UGT2A1: variants seen among roughly 807,000 people sequenced by gnomAD.
UGT2A1 encodes UDP glucuronosyltransferase family 2 member A1 complex locus.
In UGT2A1, 61 loss-of-function variants were observed where a neutral mutation model predicts 45.4. The ratio of observed to expected loss-of-function variants is 1.34; its 90% confidence interval spans 1.09 to 1.66. The LOEUF is 1.66. Ranked by LOEUF, UGT2A1 falls within the 40% of genes most tolerant of loss-of-function variation. The pLI is 0.00. For synonymous variants in UGT2A1, 229 were observed against 196.2 expected, an observed-to-expected ratio of 1.17 and a Z score of -1.40; for missense variants, 649 against 574.3, an observed-to-expected ratio of 1.13 and a Z score of -1.33.
At chr4:69,624,966 G>A (rs1046769085) in intron 3 of UGT2A1, among the ~76,000 whole-genome samples, 4 of 150,822 alleles carry the variant, frequency 2.7e-5, no homozygotes, top group African/African-American at 9.7e-5. Flanking sequence ...AGAAGTGGTG[G>A]TCTATAGAAG....
At chr4:69,614,346 T>G (rs1426216201) in intron 3 of UGT2A1, among the ~76,000 whole-genome samples, 1 of 152,026 alleles carries the variant, frequency 6.6e-6, no homozygotes, top group Non-Finnish European at 1.5e-5. Flanking sequence ...GAAAATGTTT[T>G]CTGTTCATAG....
intron 3 of UGT2A1, among the ~76,000 whole-genome samples, chr4:69,630,131 C>T (rs988656146): frequency 1.3e-5 from 2 of 151,946 alleles, no homozygotes; most frequent in Non-Finnish European, 1.5e-5. Flanking sequence ...AACTAAAATA[C>T]AGCCATATGG....
chr4:69,613,402 C>G lies in UGT2A1; in HGVS notation c.848-14008G>C, dbSNP rs1386100671. 6.6e-5 allele frequency among the ~76,000 whole-genome samples: 10 copies of G among 151,886 alleles called. No homozygotes were observed. In the East Asian group the frequency reaches 1.9e-3, roughly 29 times the overall value. ...ACTTTCACTGTTGAATTCTACCAAA[C>G]ATTTGAATAACTAATGTCAATTCTA... On this transcript the variant is annotated intron_variant, in intron 3 of 6. Transcript: ENST00000286604.
intron 2 of UGT2A1, among the ~76,000 whole-genome samples, chr4:69,643,494 T>G (rs1351641412): frequency 6.6e-6 from 1 of 151,636 alleles, no homozygotes; most frequent in Non-Finnish European, 1.5e-5. Flanking sequence ...TTTCTTGCAA[T>G]GAACTGCAAC....
At chr4:69,600,670 A>C (rs1252953351) in intron 3 of UGT2A1, among the ~76,000 whole-genome samples, 2 of 152,070 alleles carry the variant, frequency 1.3e-5, no homozygotes, top group Non-Finnish European at 2.9e-5. Context: ...CATAGGCTGT[A>C]CAGGAAGCAT....
intron 2 of UGT2A1, among the ~76,000 whole-genome samples, chr4:69,636,634 A>C (rs1170949248): frequency 6.6e-6 from 1 of 152,158 alleles, no homozygotes; most frequent in Non-Finnish European, 1.5e-5. Context: ...GGTTTAGTAC[A>C]TACCAGAAAC....
intron 3 of UGT2A1, among the ~76,000 whole-genome samples, chr4:69,613,298 C>T (rs188116186): frequency 2.0e-5 from 3 of 151,926 alleles, no homozygotes; most frequent in African/African-American, 7.2e-5. Context: ...AAATCCAAAA[C>T]CTGAACGAGG....
chr4:69,621,797 T>C (rs968317215), intron 3 of UGT2A1, among the ~76,000 whole-genome samples: 1 of 151,948 alleles, frequency 6.6e-6, no homozygotes, highest in Non-Finnish European at 1.5e-5. Context: ...GTGGTATATA[T>C]GCATCATAGA....
intron 3 of UGT2A1, among the ~76,000 whole-genome samples, chr4:69,627,974 T>A (rs1455744661): frequency 6.6e-6 from 1 of 152,006 alleles, no homozygotes; most frequent in Non-Finnish European, 1.5e-5. Flanking sequence ...GATTGCCTTT[T>A]AAGTTTGTTG....
chr4:69,601,682 C>T (rs1719303939), intron 3 of UGT2A1, among the ~76,000 whole-genome samples: 1 of 152,000 alleles, frequency 6.6e-6, no homozygotes. Flanking sequence ...GGCCAATAAC[C>T]AAGGAATCTC....
At chr4:69,650,541 A>G (rs1722472379) in intron 1 of UGT2A1, among the ~76,000 whole-genome samples, 1 of 152,198 alleles carries the variant, frequency 6.6e-6, no homozygotes, top group South Asian at 2.1e-4. Flanking sequence ...TTGAGAATAT[A>G]AAGTAATAAA....
intron 4 of UGT2A1, chr4:69,596,338 A>G (rs1170646739): frequency 1.2e-6 from 2 of 1,606,720 alleles, no homozygotes; most frequent in South Asian, 2.2e-5. Context: ...AGAAAACACC[A>G]CAACACCATT....
At chr4:69,620,946 C>T (rs1720717097) in intron 3 of UGT2A1, among the ~76,000 whole-genome samples, 1 of 151,982 alleles carries the variant, frequency 6.6e-6, no homozygotes, top group African/African-American at 2.4e-5. Flanking sequence ...AATGGCTAGC[C>T]ATATACAGAA....
At chr4:69,650,250 G>C (rs1722462831) in intron 1 of UGT2A1, among the ~76,000 whole-genome samples, 1 of 151,938 alleles carries the variant, frequency 6.6e-6, no homozygotes, top group South Asian at 2.1e-4. Context: ...GTGTTTATTG[G>C]GTACCTACTA....
At chr4:69,601,250 G>A in intron 3 of UGT2A1, among the ~76,000 whole-genome samples, 1 of 152,056 alleles carries the variant, frequency 6.6e-6, no homozygotes, top group Non-Finnish European at 1.5e-5. Flanking sequence ...TCCTCACTGT[G>A]ACCACTACTC....
chr4:69,601,712 C>A (rs1170896146), intron 3 of UGT2A1, among the ~76,000 whole-genome samples: 1 of 151,504 alleles, frequency 6.6e-6, no homozygotes, highest in African/African-American at 2.4e-5. Context: ...ATGTAACTCC[C>A]CTGCCACCCC....
chr4:69,606,866 G>A (rs1272911773), intron 3 of UGT2A1, among the ~76,000 whole-genome samples: 1 of 135,952 alleles, frequency 7.4e-6, no homozygotes, highest in Non-Finnish European at 1.6e-5. Flanking sequence ...AACTTACAAG[G>A]GACGTAAGGA....
chr4:69,600,519 C>G (rs533344493), intron 3 of UGT2A1, among the ~76,000 whole-genome samples: 71 of 152,276 alleles, frequency 4.7e-4, no homozygotes, highest in Non-Finnish European at 8.8e-4. Context: ...AGATGGACAT[C>G]CCTACTTTAG....
At chr4:69,639,729 A>G in intron 2 of UGT2A1, 1 of 1,308,858 alleles carries the variant, frequency 7.6e-7, no homozygotes. Context: ...TGCGATGGTT[A>G]CACTCAGTCG....
Sources: gnomAD v4.1 joint callset for allele counts (sites outside exome capture counted in the v4.1 genomes callset) on GRCh38, gnomAD v4.1.1 for gene constraint, MANE v1.5 for transcripts, NCBI Gene and HGNC (gene_info 2026-07-23, HGNC 2026-07-21) for gene names.